The following DR1 variants were observed in gnomAD, a reference collection of about 807,000 sequenced individuals.
DR1 encodes down-regulator of transcription 1.
A neutral mutation model predicts 19.9 loss-of-function variants in DR1; 7 were observed. The ratio of observed to expected loss-of-function variants is 0.35; its 90% CI spans 0.20 to 0.66. DR1 has a LOEUF of 0.66. DR1 is among the 30% of genes least tolerant of loss of function. DR1 has a pLI of 0.66. For missense variants in DR1, 98 were observed against 203.7 expected (o/e 0.48, Z 3.16); for synonymous variants, 76 against 72.5 (o/e 1.05, Z -0.24).
chr1:93,369,208 A>G lies in DR1; in HGVS notation c.*8569A>G, dbSNP rs1295680423. On this transcript the variant is annotated 3_prime_UTR_variant, in exon 3 of 3. Coordinates refer to ENST00000370272, the MANE Select transcript of DR1 (RefSeq NM_001938.3). ...CCCAATGTAAGTAATTATGAAAACT[A>G]TTTTTCTTCCACTAGAACTTTTTTC... 1.3e-5 allele frequency: 2 copies of G among 152,036 alleles called. No individual in the cohort carries two copies. The highest frequency in any genetic ancestry group is 2.4e-5 in the African/African-American group (1 of 41,388). The allele number at this position is 152,036 out of a possible 1,614,324, so 9.4% of individuals were successfully genotyped here.
chr1:93,346,517 C>T lies in DR1; in HGVS notation c.-129C>T. The stretch of plus-strand genomic sequence containing the variant: ...AGCCAGCTGCTCCTCCGTTCATTTT[C>T]TGCACCCTCTTCGCAAAGCACCCCC... On this transcript the variant is annotated 5_prime_UTR_variant, in exon 1 of 3. Transcript: ENST00000370272. The T allele has an allele frequency of 1.5e-6, 1 of 686,258 alleles. No individual in the cohort carries two copies. The highest frequency in any genetic ancestry group is 2.5e-6 in the Non-Finnish European group (1 of 402,108). The allele number at this position is 686,258 out of a possible 1,614,324, so 42.5% of individuals were successfully genotyped here. A position where few individuals can be genotyped will look rare whatever the true frequency, so the allele number is the denominator to read the frequency against.
chr1:93,352,642 A>G (rs2101636628), intron 1 of DR1, among the ~76,000 whole-genome samples: 2 of 152,340 alleles, frequency 1.3e-5, no homozygotes, highest in Middle Eastern at 3.4e-3. Flanking sequence ...TGAAGTTAGA[A>G]GTGAGAGCAT....
rs183792392 is a variant in DR1, at chr1:93,351,370, A to G, written c.221-2538A>G. Among the ~76,000 whole-genome samples the G allele has an allele frequency of 3.2e-3, 487 of 151,680 alleles. 2 individuals carry two copies. Among genetic ancestry groups the G allele is most frequent in the African/African-American group, 0.011 (449 of 41,378 alleles). On this transcript the variant is annotated intron_variant, in intron 1 of 2. Coordinates refer to ENST00000370272, the MANE Select transcript of DR1 (RefSeq NM_001938.3). Reference sequence around the variant, plus strand: ...CTTAAATGTTTTTAAAGGTAGTTATATATTTAAAAAAAATTCTTAATCCAA... The same window carrying G: ...CTTAAATGTTTTTAAAGGTAGTTATGTATTTAAAAAAAATTCTTAATCCAA...
intron 1 of DR1, among the ~76,000 whole-genome samples, chr1:93,352,620 A>G (rs1557745777): frequency 6.6e-6 from 1 of 152,224 alleles, no homozygotes; most frequent in Non-Finnish European, 1.5e-5. Flanking sequence ...TTCTCCCAGA[A>G]GAGCAAATCC....
At chr1:93,359,663 C>G (rs554435394) in intron 2 of DR1, among the ~76,000 whole-genome samples, 2 of 152,134 alleles carry the variant, frequency 1.3e-5, no homozygotes, top group African/African-American at 4.8e-5. Flanking sequence ...AGAACAGGTT[C>G]ATTTTTTCCC....
At chr1:93,358,146 A>G (rs1180524328) in intron 2 of DR1, among the ~76,000 whole-genome samples, 2 of 152,160 alleles carry the variant, frequency 1.3e-5, no homozygotes, top group Middle Eastern at 6.3e-3. Flanking sequence ...GGAAAGAGAA[A>G]GAAATCCCAA....
At position 93,369,388 on chromosome 1, in the gene DR1, G is replaced by A. The variant is rs565594926; in HGVS notation, c.*8749G>A. On this transcript the variant is annotated 3_prime_UTR_variant, in exon 3 of 3. Coordinates refer to ENST00000370272, the MANE Select transcript of DR1 (RefSeq NM_001938.3). ...CTCATTCTAAGGAAGCAGAGGTAAT[G>A]TCTGTTACTATTTTCAGCTCCCTTT... 2.0e-5 allele frequency: 3 copies of A among 152,294 alleles called. No homozygotes were observed. Among genetic ancestry groups the A allele is most frequent in the South Asian group, 4.1e-4 (2 of 4,826 alleles). 9.4% of individuals were successfully genotyped at this position (152,294 alleles called of 1,614,324 possible). A position where few individuals can be genotyped will look rare whatever the true frequency, so the allele number is the denominator to read the frequency against.
At chr1:93,355,957 C>A (rs572531531) in intron 2 of DR1, among the ~76,000 whole-genome samples, 7 of 152,010 alleles carry the variant, frequency 4.6e-5, no homozygotes, top group Non-Finnish European at 8.8e-5. Context: ...AAGGAGGGAA[C>A]CTTTAATACA....
intron 1 of DR1, among the ~76,000 whole-genome samples, chr1:93,347,877 A>G (rs1570707891): frequency 6.6e-6 from 1 of 152,270 alleles, no homozygotes; most frequent in Middle Eastern, 3.4e-3. Context: ...GCCTTTTGTA[A>G]TAATCTAATT....
At chr1:93,359,139 GA>G (rs951304875) in intron 2 of DR1, among the ~76,000 whole-genome samples, 6 of 152,092 alleles carry the variant, frequency 3.9e-5, no homozygotes, top group African/African-American at 1.4e-4. Flanking sequence ...GATAACAAAT[GA>G]TTTTTTTTAA....
chr1:93,354,007 G>A lies in DR1; in HGVS notation c.320G>A (p.Arg107His), dbSNP rs749454147. The change falls in exon 2 of 3, where the codon CGT (arginine) becomes CAT (histidine). Residue 107 changes from arginine to histidine, a missense_variant. By Grantham distance (29) the Arg-to-His change is conservative. Coordinates refer to ENST00000370272, the MANE Select transcript of DR1 (RefSeq NM_001938.3). ...VALKRRKASS[R>H]LENLGIPEEE... Reference sequence around the variant, plus strand: ...TTAAAAAGAAGAAAGGCCAGTTCTCGTTTGGAAAACCTTGGCATTCCTGAA... The same window carrying A: ...TTAAAAAGAAGAAAGGCCAGTTCTCATTTGGAAAACCTTGGCATTCCTGAA... 6 of 1,613,744 alleles carry A rather than the reference G, an allele frequency of 3.7e-6. No individual in the cohort carries two copies. The highest frequency in any genetic ancestry group is 2.7e-5 in the African/African-American group (2 of 74,920).
Position 93,345,986 on chromosome 1 carries a change from A to G in DR1, c.-660A>G, listed in dbSNP as rs1386339926. The G allele has an allele frequency of 3.2e-5, 5 of 154,414 alleles. No individual in the cohort carries two copies. In the South Asian group the frequency reaches 5.0e-4, roughly 16 times the overall value. 9.6% of individuals were successfully genotyped at this position (154,414 alleles called of 1,614,324 possible). ...CACCGTTGCCGCGTCTTCGGCTTCCACGATCTGCGTTCGGGCTACGCGGCC... is the reference window on the plus strand; with the variant it reads ...CACCGTTGCCGCGTCTTCGGCTTCCGCGATCTGCGTTCGGGCTACGCGGCC... On this transcript the variant is annotated 5_prime_UTR_variant, in exon 1 of 3. Transcript: ENST00000370272.
At position 93,368,333 on chromosome 1, in the gene DR1, G is replaced by C. The variant is rs1667190747; in HGVS notation, c.*7694G>C. 6.6e-6 allele frequency: 1 copy of C among 152,124 alleles called. No individual in the cohort carries two copies. Among genetic ancestry groups the C allele is most frequent in the South Asian group, 2.1e-4 (1 of 4,822 alleles). The allele number at this position is 152,124 out of a possible 1,614,324, so 9.4% of individuals were successfully genotyped here. On this transcript the variant is annotated 3_prime_UTR_variant, in exon 3 of 3. Coordinates refer to ENST00000370272, the MANE Select transcript of DR1 (RefSeq NM_001938.3). The stretch of plus-strand genomic sequence containing the variant: ...TGCCTTTGTATATTTTATATGAATA[G>C]CACTTGTCACTAACATAGAAAGCAG...
At chr1:93,360,227 A>G (rs1052549094) in intron 2 of DR1, among the ~76,000 whole-genome samples, 1 of 152,136 alleles carries the variant, frequency 6.6e-6, no homozygotes, top group Non-Finnish European at 1.5e-5. Context: ...AAAGGTCATA[A>G]ATTACGTGAA....
chr1:93,346,294 G>T lies in DR1; in HGVS notation c.-352G>T, dbSNP rs556917027. 1.3e-5 allele frequency: 4 copies of T among 313,358 alleles called. No individual in the cohort carries two copies. The highest frequency in any genetic ancestry group is 2.5e-5 in the Non-Finnish European group (4 of 161,942). 19.4% of individuals were successfully genotyped at this position (313,358 alleles called of 1,614,324 possible). ...CCCTGGATCTTGCCTCTGCTCCGAC[G>T]CCGTTGGGGACCAGTTAGGCGACAG... On this transcript the variant is annotated 5_prime_UTR_variant, in exon 1 of 3. Transcript: ENST00000370272.
chr1:93,346,733 C>T lies in DR1; in HGVS notation c.88C>T (p.Arg30Trp). The change falls in exon 1 of 3, where the codon CGG (arginine) becomes TGG (tryptophan). Residue 30 changes from arginine (R) to tryptophan (W), a missense_variant. By Grantham distance (101) the Arg-to-Trp change is moderately radical (BLOSUM62 -3). Coordinates refer to ENST00000370272, the MANE Select transcript of DR1 (RefSeq NM_001938.3). ...KMIKETLPNV[R>W]VANDARELVV... ...GATCAAAGAGACTCTTCCTAATGTC[C>T]GGGTGGCCAACGATGCTCGAGAGCT... The T allele has an allele frequency of 6.2e-7, 1 of 1,614,084 alleles. No individual in the cohort carries two copies. Among genetic ancestry groups the T allele is most frequent in the Non-Finnish European group, 8.5e-7 (1 of 1,180,008 alleles).
In DR1 at chr1:93,364,851, C is replaced by CTTTTTTTTTTTTTTTTTTTTTTTTTTTT. The variant is rs1185414953; in HGVS notation, c.*4232_*4233insTTTTTTTTTTTTTTTTTTTTTTTTTTTT. On this transcript the variant is annotated 3_prime_UTR_variant, in exon 3 of 3. Transcript: ENST00000370272. Reference sequence around the variant, plus strand: ...TTTTCTTTTTTCTTTTCTTTTCTTTCTTTTTTTTTTTTTTTTTTTTGAGAC... The same window carrying CTTTTTTTTTTTTTTTTTTTTTTTTTTTT: ...TTTTCTTTTTTCTTTTCTTTTCTTTCTTTTTTTTTTTTTTTTTTTTTTTTTTTTTTTTTTTTTTTTTTTTTTTTGAGAC... The CTTTTTTTTTTTTTTTTTTTTTTTTTTTT allele has an allele frequency of 4.1e-4, 41 of 100,646 alleles. No individual in the cohort carries two copies. The highest frequency in any genetic ancestry group is 7.1e-4 in the African/African-American group (15 of 21,118). The allele number at this position is 100,646 out of a possible 1,614,324, so 6.2% of individuals were successfully genotyped here.
chr1:93,356,232 CTT>C (rs5776179), intron 2 of DR1, among the ~76,000 whole-genome samples: 492 of 147,412 alleles, frequency 3.3e-3, no homozygotes, highest in Non-Finnish European at 3.6e-3. Flanking sequence ...TATCAATCAA[CTT>C]TTTTTTTTTT....
rs1386777248 is a variant in DR1, at chr1:93,364,830, CTT to C, written c.*4196_*4197del. The C allele has an allele frequency of 9.3e-6, 1 of 107,012 alleles. No individual in the cohort carries two copies. Among genetic ancestry groups the C allele is most frequent in the African/African-American group, 3.7e-5 (1 of 26,982 alleles). The allele number at this position is 107,012 out of a possible 1,614,324, so 6.6% of individuals were successfully genotyped here. On this transcript the variant is annotated 3_prime_UTR_variant, in exon 3 of 3. Transcript: ENST00000370272. ...CAGGGTCTCACTATGTTTCCTTTTT[CTT>C]TTTTCTTTTCTTTTCTTTCTTTTTT... is the stretch of plus-strand genomic sequence containing the variant.
Sources: allele counts gnomAD v4.1 joint callset (sites outside exome capture counted in the v4.1 genomes callset), GRCh38; gene constraint gnomAD v4.1.1; transcripts MANE v1.5; gene names NCBI Gene and HGNC (gene_info 2026-07-23, HGNC 2026-07-21).